The following NCKAP5 variants were observed in gnomAD, a reference collection of about 807,000 sequenced individuals.
The protein encoded by NCKAP5 is NCK associated protein 5, also known as nck-associated protein 5.
A neutral mutation model predicts 167.0 loss-of-function variants in NCKAP5; 92 were observed. That is an observed-to-expected ratio of 0.55 (90% CI 0.47 to 0.66). The LOEUF (loss-of-function observed/expected upper bound fraction) is 0.66. NCKAP5 is among the 30% of genes least tolerant of loss of function. The pLI is 0.00. For missense variants in NCKAP5, 2,378 were observed against 2,315.0 expected (o/e 1.03, Z -0.56); for synonymous variants, 891 against 877.4 (o/e 1.02, Z -0.27).
chr2:133,614,314 G>C, the NCKAP5 span, among the ~76,000 whole-genome samples: 1 of 141,778 alleles, frequency 7.1e-6, no homozygotes. Flanking sequence ...ACTTTGACAA[G>C]CTGAGAGAAG....
At chr2:133,662,948 T>C in the NCKAP5 span, among the ~76,000 whole-genome samples, 1 of 151,672 alleles carries the variant, frequency 6.6e-6, no homozygotes, top group Non-Finnish European at 1.5e-5. Flanking sequence ...ACAATGTGTA[T>C]ATCTTAAAGA....
chr2:133,378,825 A>G (rs1176186891), intron 3 of NCKAP5, among the ~76,000 whole-genome samples: 1 of 152,228 alleles, frequency 6.6e-6, no homozygotes, highest in East Asian at 1.9e-4. Flanking sequence ...CACTCTTCTG[A>G]TAAAAGTTTG....
chr2:133,239,301 G>A (rs1198839007), intron 4 of NCKAP5, among the ~76,000 whole-genome samples: 1 of 152,092 alleles, frequency 6.6e-6, no homozygotes, highest in Non-Finnish European at 1.5e-5. Flanking sequence ...AGCTCAGACT[G>A]CAAAATACAG....
the NCKAP5 span, among the ~76,000 whole-genome samples, chr2:133,610,674 T>C: frequency 1.3e-5 from 2 of 152,104 alleles, no homozygotes; most frequent in Non-Finnish European, 2.9e-5. Flanking sequence ...ATTCCACTGG[T>C]TAAAAGTTAA....
chr2:133,662,365 G>A, the NCKAP5 span, among the ~76,000 whole-genome samples: 55,904 of 151,330 alleles, frequency 0.37, 10,783 homozygotes, highest in Non-Finnish European at 0.42. Context: ...TGTGTATATG[G>A]CCTTTCTCCC....
chr2:132,673,259 A>C lies in NCKAP5; in HGVS notation c.*30T>G. 1 of 1,510,596 alleles carries C rather than the reference A, an allele frequency of 6.6e-7. No individual in the cohort carries two copies. The highest frequency in any genetic ancestry group is 2.5e-5 in the East Asian group (1 of 39,884). The allele number at this position is 1,510,596 out of a possible 1,614,324, so 93.6% of individuals were successfully genotyped here. On this transcript the variant is annotated 3_prime_UTR_variant, in exon 20 of 20. Transcript: ENST00000409261. ...GAATGACTCTAGGGAAATTTTCGAT[A>C]ATCTATTCTCGGGATCGTCTTTTGT...
intron 19 of NCKAP5, among the ~76,000 whole-genome samples, chr2:132,676,006 C>G (rs1684411744): frequency 6.6e-6 from 1 of 152,070 alleles, no homozygotes; most frequent in Non-Finnish European, 1.5e-5. Context: ...GGCAGAGCAG[C>G]CATAAGGAGT....
intron 7 of NCKAP5, among the ~76,000 whole-genome samples, chr2:132,991,432 G>A (rs1041717814): frequency 1.7e-4 from 26 of 152,274 alleles, no homozygotes; most frequent in African/African-American, 6.3e-4. Context: ...TAGTGGGACC[G>A]TCTCAGTTGC....
chr2:132,744,948 G>A (rs1274118597), intron 16 of NCKAP5, among the ~76,000 whole-genome samples: 2 of 151,654 alleles, frequency 1.3e-5, no homozygotes, highest in Non-Finnish European at 3.0e-5. Context: ...TATCAATTTA[G>A]GCAATTGAAT....
chr2:133,346,684 G>A (rs1683998608), intron 3 of NCKAP5, among the ~76,000 whole-genome samples: 1 of 152,134 alleles, frequency 6.6e-6, no homozygotes, highest in Non-Finnish European at 1.5e-5. Context: ...CATCGGACTG[G>A]GCCATGGCCC....
At chr2:133,574,354 C>T in the NCKAP5 span, among the ~76,000 whole-genome samples, 2 of 152,144 alleles carry the variant, frequency 1.3e-5, no homozygotes, top group African/African-American at 4.8e-5. Flanking sequence ...CAAAGATGCC[C>T]CAGGGAAGAG....
intron 8 of NCKAP5, among the ~76,000 whole-genome samples, chr2:132,940,263 C>T (rs1451182552): frequency 6.6e-6 from 1 of 152,014 alleles, no homozygotes; most frequent in African/African-American, 2.4e-5. Context: ...AACTAATGTA[C>T]CAGGCATAAT....
At chr2:133,665,466 C>T in the NCKAP5 span, among the ~76,000 whole-genome samples, 1 of 152,184 alleles carries the variant, frequency 6.6e-6, no homozygotes, top group East Asian at 1.9e-4. Context: ...AGAACACACA[C>T]ATTTTAACTT....
intron 3 of NCKAP5, among the ~76,000 whole-genome samples, chr2:133,437,586 G>A (rs952256502): frequency 6.6e-6 from 1 of 152,260 alleles, no homozygotes; most frequent in Middle Eastern, 3.4e-3. Flanking sequence ...TACTGATGTT[G>A]GGGAAGTTCC....
intron 2 of NCKAP5, among the ~76,000 whole-genome samples, chr2:133,542,506 T>C (rs1053654570): frequency 9.2e-5 from 14 of 152,170 alleles, no homozygotes; most frequent in Non-Finnish European, 1.9e-4. Context: ...TCCCACGCTA[T>C]CCAGTTTTAA....
At position 133,006,194 on chromosome 2, in the gene NCKAP5, G is replaced by A. The variant is rs1178099335; in HGVS notation, c.342-11955C>T. Among the ~76,000 whole-genome samples the A allele has an allele frequency of 2.0e-5, 3 of 152,144 alleles. No individual in the cohort carries two copies. In the East Asian group the frequency reaches 5.8e-4, roughly 29 times the overall value. On this transcript the variant is annotated intron_variant, in intron 6 of 19. Transcript: ENST00000409261. ...GGATTGCTTGGACTCAGGAGGTCGA[G>A]GTTGCAGTGAGCCGAGATTACACTA...
At chr2:133,432,020 G>A (rs1019816202) in intron 3 of NCKAP5, among the ~76,000 whole-genome samples, 1 of 152,082 alleles carries the variant, frequency 6.6e-6, no homozygotes, top group Non-Finnish European at 1.5e-5. Context: ...ACATGGATCC[G>A]ATAAATACCA....
At chr2:133,186,925 T>C (rs983484649) in intron 5 of NCKAP5, among the ~76,000 whole-genome samples, 10 of 152,052 alleles carry the variant, frequency 6.6e-5, no homozygotes, top group African/African-American at 1.7e-4. Flanking sequence ...CTCTTTCTTT[T>C]TTACAATTTT....
intron 3 of NCKAP5, among the ~76,000 whole-genome samples, chr2:133,334,944 A>G (rs1683114245): frequency 6.6e-6 from 1 of 152,218 alleles, no homozygotes; most frequent in Non-Finnish European, 1.5e-5. Context: ...AAAAGAATAG[A>G]AAGCCAAACT....
Sources: allele counts gnomAD v4.1 joint callset (sites outside exome capture counted in the v4.1 genomes callset), GRCh38; gene constraint gnomAD v4.1.1; transcripts MANE v1.5; gene names NCBI Gene and HGNC (gene_info 2026-07-23, HGNC 2026-07-21).